The following ELAVL4 variants were observed in gnomAD, a reference collection of about 807,000 sequenced individuals.
ELAVL4 encodes the protein ELAV like RNA binding protein 4.
A neutral mutation model predicts 35.6 loss-of-function variants in ELAVL4; 1 was observed. The observed-to-expected ratio is 0.03, with a 90% CI of 0.01 to 0.13. The LOEUF is 0.13. Ranked by LOEUF, ELAVL4 falls within the 10% of genes least tolerant of loss-of-function variation. ELAVL4 has a pLI of 1.00. For synonymous variants in ELAVL4, 156 were observed against 171.0 expected, an observed-to-expected ratio of 0.91 and a Z score of 0.69; for missense variants, 267 against 464.9, an observed-to-expected ratio of 0.57 and a Z score of 3.91.
At position 50,193,745 on chromosome 1, in the gene ELAVL4, C is replaced by T. The variant is rs1683024825; in HGVS notation, c.355-20C>T. 3 of 1,607,860 alleles carry T rather than the reference C, an allele frequency of 1.9e-6. No individual in the cohort carries two copies. Among genetic ancestry groups the T allele is most frequent in the Non-Finnish European group, 2.5e-6 (3 of 1,177,506 alleles). ...GGGTGATTGCCTATAATGGAATTAG[C>T]TCCTCTTGCCTTTTCCTAGGTCTCA... On this transcript the variant is annotated intron_variant, in intron 3 of 6. Transcript: ENST00000371824.
intron 1 of ELAVL4, among the ~76,000 whole-genome samples, chr1:50,119,078 A>AAGAAAGAAAG (rs1420511670): frequency 1.3e-4 from 18 of 137,006 alleles, no homozygotes; most frequent in African/African-American, 5.1e-4. Context: ...GAAAGAAAGA[A>AAGAAAGAAAG]AGAAAGAAAG....
intron 1 of ELAVL4, among the ~76,000 whole-genome samples, chr1:50,138,265 G>A (rs977737733): frequency 5.3e-5 from 8 of 152,130 alleles, no homozygotes; most frequent in East Asian, 3.8e-4. Flanking sequence ...CTGCAGGTTC[G>A]AATGGGAAGG....
At chr1:50,048,096 T>A in exon 1 of ELAVL4, 1 of 1,446,106 alleles carries the variant, frequency 6.9e-7, no homozygotes, top group Non-Finnish European at 9.1e-7. Context: ...TCTGCGGACG[T>A]CTTCCCGCCC....
chr1:50,128,769 G>T (rs1670378899), intron 1 of ELAVL4, among the ~76,000 whole-genome samples: 1 of 152,072 alleles, frequency 6.6e-6, no homozygotes, highest in South Asian at 2.1e-4. Flanking sequence ...GTCATTGCTG[G>T]CTGCAGAAGC....
At chr1:50,058,002 A>G (rs923310144) in intron 1 of ELAVL4, among the ~76,000 whole-genome samples, 1 of 152,242 alleles carries the variant, frequency 6.6e-6, no homozygotes, top group African/African-American at 2.4e-5. Flanking sequence ...TTCTTACAAT[A>G]AAATAATTTT....
intron 1 of ELAVL4, among the ~76,000 whole-genome samples, chr1:50,067,210 A>T (rs774465327): frequency 2.6e-5 from 4 of 152,206 alleles, no homozygotes; most frequent in Admixed American, 6.5e-5. Context: ...TGGCCAAGTA[A>T]TTCTTAAAAG....
At chr1:50,169,856 A>G (rs1263295184) in intron 2 of ELAVL4, among the ~76,000 whole-genome samples, 1 of 152,102 alleles carries the variant, frequency 6.6e-6, no homozygotes, top group Admixed American at 6.5e-5. Context: ...AATACCTGTT[A>G]TATGTATTAT....
exon 1 of ELAVL4, chr1:50,048,103 G>A (rs1437419352): frequency 1.2e-5 from 18 of 1,455,298 alleles, no homozygotes; most frequent in Non-Finnish European, 1.6e-5. Context: ...ACGTCTTCCC[G>A]CCCGCCGCGC....
intron 1 of ELAVL4, among the ~76,000 whole-genome samples, chr1:50,058,528 A>G (rs978077829): frequency 2.0e-5 from 3 of 152,198 alleles, no homozygotes; most frequent in African/African-American, 7.2e-5. Context: ...GAAGATTAAA[A>G]AGTAAAAATG....
chr1:50,133,264 A>G (rs914544478), intron 1 of ELAVL4, among the ~76,000 whole-genome samples: 1 of 152,184 alleles, frequency 6.6e-6, no homozygotes. Context: ...CCTTATACCC[A>G]TAATTATGAG....
At chr1:50,141,620 G>C (rs1295321825) in intron 1 of ELAVL4, among the ~76,000 whole-genome samples, 1 of 152,160 alleles carries the variant, frequency 6.6e-6, no homozygotes, top group Non-Finnish European at 1.5e-5. Context: ...CTTCCCTGGG[G>C]ACCATCTCCC....
chr1:50,164,655 C>T (rs1677418187), intron 2 of ELAVL4, among the ~76,000 whole-genome samples: 1 of 152,138 alleles, frequency 6.6e-6, no homozygotes. Flanking sequence ...CTTTGGATAC[C>T]TCTAGAGTCT....
intron 1 of ELAVL4, among the ~76,000 whole-genome samples, chr1:50,061,099 G>T (rs142204065): frequency 3.3e-5 from 5 of 152,340 alleles, no homozygotes; most frequent in African/African-American, 1.2e-4. Context: ...AAGTTCACCA[G>T]CATGGATTTT....
intron 1 of ELAVL4, among the ~76,000 whole-genome samples, chr1:50,091,888 C>T (rs1665512003): frequency 6.6e-6 from 1 of 152,134 alleles, no homozygotes; most frequent in African/African-American, 2.4e-5. Flanking sequence ...AAGTGGCTCG[C>T]TTAAGGTCTG....
At chr1:50,086,254 A>G (rs1169004887) in intron 1 of ELAVL4, among the ~76,000 whole-genome samples, 2 of 151,328 alleles carry the variant, frequency 1.3e-5, no homozygotes, top group African/African-American at 2.4e-5. Flanking sequence ...TTTCCTAGTT[A>G]TTTTATGGTT....
chr1:50,055,022 G>A (rs1663581801), intron 1 of ELAVL4, among the ~76,000 whole-genome samples: 1 of 152,134 alleles, frequency 6.6e-6, no homozygotes, highest in South Asian at 2.1e-4. Flanking sequence ...CTCTCTCTAT[G>A]GGTTCTCTCA....
In ELAVL4 at chr1:50,153,007, T is replaced by A. The variant is rs541715846; in HGVS notation, c.250+7810T>A. On this transcript the variant is annotated intron_variant, in intron 2 of 6. Coordinates refer to ENST00000371824, the MANE Select transcript of ELAVL4 (RefSeq NM_001144774.3). ...CTGTGAGGAGGTCAAAATGGATAAG[T>A]CATAGTTTGTGCCCATGTGTTGCTG... 5.6e-4 allele frequency among the ~76,000 whole-genome samples: 85 copies of A among 152,294 alleles called. 1 individual carries two copies. Among genetic ancestry groups the A allele is most frequent in the African/African-American group, 1.9e-3 (80 of 41,570 alleles).
intron 2 of ELAVL4, among the ~76,000 whole-genome samples, chr1:50,165,797 T>C (rs1473170852): frequency 3.3e-5 from 5 of 151,450 alleles, no homozygotes; most frequent in Admixed American, 6.6e-5. Flanking sequence ...TATATATATG[T>C]GTATATGTGT....
At chr1:50,197,802 A>C (rs1644148015) in intron 6 of ELAVL4, among the ~76,000 whole-genome samples, 1 of 152,240 alleles carries the variant, frequency 6.6e-6, no homozygotes, top group African/African-American at 2.4e-5. Context: ...CTGGTTTTGC[A>C]AACTTGCAGA....
Sources: gnomAD v4.1 joint callset for allele counts (sites outside exome capture counted in the v4.1 genomes callset) on GRCh38, gnomAD v4.1.1 for gene constraint, MANE v1.5 for transcripts, NCBI Gene and HGNC (gene_info 2026-07-23, HGNC 2026-07-21) for gene names.